Variants in COLQ observed in about 807,000 individuals in gnomAD.
The protein encoded by COLQ is acetylcholinesterase collagenic tail peptide.
A neutral mutation model predicts 69.0 loss-of-function variants in COLQ; 48 were observed. That is an observed-to-expected ratio of 0.70 (90% CI 0.55 to 0.88). COLQ has a LOEUF of 0.88. Among genes scored for constraint, COLQ ranks in the 40% least tolerant of loss-of-function variants. The pLI, the probability that COLQ is intolerant of heterozygous loss-of-function variation, is 0.00. For synonymous variants in COLQ, 217 were observed against 211.2 expected (o/e 1.03, Z -0.24); for missense variants, 618 against 594.6 (o/e 1.04, Z -0.41).
chr3:15,505,791 T>G (rs1417276251), intron 1 of COLQ, among the ~76,000 whole-genome samples: 1 of 152,268 alleles, frequency 6.6e-6, no homozygotes, highest in South Asian at 2.1e-4. Context: ...CAACACCTGC[T>G]GACAACTGTG....
intron 5 of COLQ, among the ~76,000 whole-genome samples, chr3:15,478,271 C>CA (rs1358896544): frequency 6.6e-6 from 1 of 152,170 alleles, no homozygotes; most frequent in Admixed American, 6.5e-5. Flanking sequence ...CTTTGTCTTG[C>CA]AAAAGTCTGT....
In COLQ at chr3:15,473,808, G is replaced by C. The variant is rs577808438; in HGVS notation, c.636+192C>G. On this transcript the variant is annotated intron_variant, in intron 10 of 16. Coordinates refer to ENST00000383788, the MANE Select transcript of COLQ (RefSeq NM_005677.4). The surrounding 1 kb of genome is among the most constrained non-coding windows in gnomAD (Gnocchi z 4.0). ...TCCTTTCCTTCCCATTGAGCTAGAGGGAGGCTCCAGACCATCCTGCCACCC... is the reference window on the plus strand; with the variant it reads ...TCCTTTCCTTCCCATTGAGCTAGAGCGAGGCTCCAGACCATCCTGCCACCC... 6.6e-6 allele frequency among the ~76,000 whole-genome samples: 1 copy of C among 152,142 alleles called. No homozygotes were observed. The highest frequency in any genetic ancestry group is 1.5e-5 in the Non-Finnish European group (1 of 68,022).
At chr3:15,498,538 A>C in intron 1 of COLQ, 1 of 1,551,994 alleles carries the variant, frequency 6.4e-7, no homozygotes, top group Non-Finnish European at 8.7e-7. Context: ...GTAACAGAGC[A>C]GTCCTGAAAT....
chr3:15,479,907 A>G (rs1488712638), intron 3 of COLQ, among the ~76,000 whole-genome samples: 1 of 152,134 alleles, frequency 6.6e-6, no homozygotes, highest in Non-Finnish European at 1.5e-5. Context: ...AGCAGGAAAA[A>G]AGTCTTCTTT....
rs560860420 is a variant in COLQ, at chr3:15,467,794, C to G, written c.718-1357G>C. The G allele has an allele frequency of 6.0e-4, 270 of 450,154 alleles. 5 individuals carry two copies. The highest frequency in any genetic ancestry group is 4.2e-3 in the South Asian group (267 of 63,524). 27.9% of individuals were successfully genotyped at this position (450,154 alleles called of 1,614,324 possible). On this transcript the variant is annotated intron_variant, in intron 11 of 16. Coordinates refer to ENST00000383788, the MANE Select transcript of COLQ (RefSeq NM_005677.4). ...TGATGAAATGTAATCTTCCTCAAATCTGGGGAGCAGGCAGGCTTGGGACTC... is the reference window on the plus strand; with the variant it reads ...TGATGAAATGTAATCTTCCTCAAATGTGGGGAGCAGGCAGGCTTGGGACTC...
intron 1 of COLQ, among the ~76,000 whole-genome samples, chr3:15,512,024 G>A (rs1009345485): frequency 2.0e-5 from 3 of 152,128 alleles, no homozygotes; most frequent in Admixed American, 6.5e-5. Flanking sequence ...CTGTCTTCCC[G>A]GGTCCCCAAG....
At chr3:15,489,412 T>C in intron 2 of COLQ, 113 bp downstream of exon 2, 3 of 977,590 alleles carry the variant, frequency 3.1e-6, no homozygotes, top group Non-Finnish European at 4.8e-6. Flanking sequence ...GTTGAGGCTC[T>C]CAGAAAAGAT....
intron 14 of COLQ, among the ~76,000 whole-genome samples, 171 bp from the exon 15 acceptor site, chr3:15,456,190 A>G (rs890464664): frequency 6.6e-6 from 1 of 152,096 alleles, no homozygotes; most frequent in Non-Finnish European, 1.5e-5. Context: ...TAGCTGGTTA[A>G]ATGTTGGGTC....
chr3:15,451,513 T>C lies in COLQ; in HGVS notation c.*131A>G. 1.2e-6 allele frequency: 1 copy of C among 845,774 alleles called. No individual in the cohort carries two copies. The highest frequency in any genetic ancestry group is 2.1e-6 in the Non-Finnish European group (1 of 480,228). 52.4% of individuals were successfully genotyped at this position (845,774 alleles called of 1,614,324 possible). A position where few individuals can be genotyped will look rare whatever the true frequency, so the allele number is the denominator to read the frequency against. On this transcript the variant is annotated 3_prime_UTR_variant, in exon 17 of 17. Coordinates refer to ENST00000383788, the MANE Select transcript of COLQ (RefSeq NM_005677.4). ...AGACTGAGTTAACAGCATGTCTTAG[T>C]AGCAGGAATTTGTCCTTGTTTTTGT... is the stretch of plus-strand genomic sequence containing the variant.
chr3:15,502,170 C>T (rs925966013), intron 1 of COLQ, among the ~76,000 whole-genome samples: 2 of 144,518 alleles, frequency 1.4e-5, no homozygotes, highest in African/African-American at 5.2e-5. Flanking sequence ...GGCTGGAGTG[C>T]AATGACATGA....
Position 15,482,459 on chromosome 3 carries a change from T to C in COLQ, c.322-3077A>G, listed in dbSNP as rs144242873. On this transcript the variant is annotated intron_variant, in intron 3 of 16. Transcript: ENST00000383788. ...TGTCAAAGGCCTTTCCTGAATCTAT[T>C]GAGATAATTATGTGGTTTTTGTCTT... Among the ~76,000 whole-genome samples, 1,044 of 152,304 alleles carry C rather than the reference T, an allele frequency of 6.9e-3. 10 individuals are homozygous for C. The highest frequency in any genetic ancestry group is 0.024 in the African/African-American group (980 of 41,552).
intron 1 of COLQ, among the ~76,000 whole-genome samples, chr3:15,513,745 C>T (rs2063019219): frequency 6.6e-6 from 1 of 152,200 alleles, no homozygotes; most frequent in African/African-American, 2.4e-5. Flanking sequence ...ATTCTGATGT[C>T]ACTTTAACAA....
rs1308918916 is a variant in COLQ at position 15,479,091 on chromosome 3, T to C, written c.367-88A>G. 6 of 1,519,750 alleles carry C rather than the reference T, an allele frequency of 3.9e-6. No individual in the cohort carries two copies. The African/African-American group carries it at 4.1e-5, about 10-fold the overall frequency. 94.1% of individuals were successfully genotyped at this position (1,519,750 alleles called of 1,614,324 possible). A position where few individuals can be genotyped will look rare whatever the true frequency, so the allele number is the denominator to read the frequency against. Reference sequence around the variant, plus strand: ...CCTTAGTAGAGCTGATGACTGGGCATGGCCATGTGGCTCAGTTGCTTGGCT... The same window carrying C: ...CCTTAGTAGAGCTGATGACTGGGCACGGCCATGTGGCTCAGTTGCTTGGCT... On this transcript the variant is annotated intron_variant, in intron 4 of 16. Transcript: ENST00000383788.
chr3:15,500,229 T>A (rs1241935586), intron 1 of COLQ, among the ~76,000 whole-genome samples: 1 of 152,162 alleles, frequency 6.6e-6, no homozygotes, highest in Non-Finnish European at 1.5e-5. Context: ...TTCCCCTTTG[T>A]CCTTCTCAGA....
chr3:15,485,531 A>G (rs2062559436), intron 3 of COLQ, among the ~76,000 whole-genome samples: 1 of 152,194 alleles, frequency 6.6e-6, no homozygotes, highest in Non-Finnish European at 1.5e-5. Context: ...TCCCTGAAAT[A>G]TGATTTCTGC....
chr3:15,494,684 T>C (rs2062719710), intron 1 of COLQ, among the ~76,000 whole-genome samples: 4 of 152,278 alleles, frequency 2.6e-5, no homozygotes, highest in South Asian at 4.2e-4. Context: ...CCAGGCAAGA[T>C]TGAGTGGCCC....
chr3:15,513,593 T>C (rs749128544), intron 1 of COLQ, among the ~76,000 whole-genome samples: 2 of 152,174 alleles, frequency 1.3e-5, no homozygotes, highest in Non-Finnish European at 2.9e-5. Context: ...TCCATACTGA[T>C]TGCCTTCTCT....
At chr3:15,464,494 G>A (rs2125100175) in intron 12 of COLQ, among the ~76,000 whole-genome samples, 1 of 152,320 alleles carries the variant, frequency 6.6e-6, no homozygotes, top group Non-Finnish European at 1.5e-5. Flanking sequence ...TGTTGGAGGA[G>A]TAGTGAAAAT....
At chr3:15,475,977 G>A (rs887027716) in intron 6 of COLQ, among the ~76,000 whole-genome samples, 1 of 152,112 alleles carries the variant, frequency 6.6e-6, no homozygotes, top group Admixed American at 6.5e-5. Context: ...GAAATATAAG[G>A]TGAGCCACAT....
Sources: allele counts gnomAD v4.1 joint callset (sites outside exome capture counted in the v4.1 genomes callset), GRCh38; gene constraint gnomAD v4.1.1; non-coding constraint Gnocchi (gnomAD v3.1); transcripts MANE v1.5; gene names NCBI Gene and HGNC (gene_info 2026-07-23, HGNC 2026-07-21).